Variants in LDHC observed in about 807,000 individuals in gnomAD.
The protein encoded by LDHC is L-lactate dehydrogenase C chain.
A neutral mutation model predicts 30.2 loss-of-function variants in LDHC; 20 were observed. The observed-to-expected ratio is 0.66, with a 90% CI of 0.47 to 0.96. LDHC has a LOEUF of 0.96. Among genes scored for constraint, LDHC ranks in the 40% least tolerant of loss-of-function variants. The pLI, the probability that LDHC is intolerant of heterozygous loss-of-function variation, is 0.00. For missense variants in LDHC, 362 were observed against 394.9 expected (o/e 0.92, Z 0.71); for synonymous variants, 139 against 132.7 (o/e 1.05, Z -0.32).
At chr11:18,433,995 A>G (rs1848313955) in intron 4 of LDHC, among the ~76,000 whole-genome samples, 2 of 152,116 alleles carry the variant, frequency 1.3e-5, no homozygotes, top group Non-Finnish European at 2.9e-5. Flanking sequence ...GGCTTTGTTC[A>G]TATCTTCTTA....
chr11:18,421,178 C>T (rs1026984930), intron 3 of LDHC, among the ~76,000 whole-genome samples: 1 of 151,988 alleles, frequency 6.6e-6, no homozygotes, highest in African/African-American at 2.4e-5. Flanking sequence ...CTCAGCCTCT[C>T]GAGTAGCTGA....
rs1292574003 is a variant in LDHC at position 18,447,069 on chromosome 11, A to AT, written c.834+736_834+737insT. 3.3e-5 allele frequency among the ~76,000 whole-genome samples: 5 copies of AT among 152,176 alleles called. No individual in the cohort carries two copies. The East Asian group carries it at 7.7e-4, about 23-fold the overall frequency. ...GGAGGAGGGGCAGGAGTTAACAAAAAGAGAATGTGTACTGATGCATGTAGA... is the reference window on the plus strand; with the variant it reads ...GGAGGAGGGGCAGGAGTTAACAAAAATGAGAATGTGTACTGATGCATGTAGA... On this transcript the variant is annotated intron_variant, in intron 7 of 7. Coordinates refer to ENST00000541669, the MANE Select transcript of LDHC (RefSeq NM_017448.5).
At chr11:18,427,862 A>T (rs1848189941) in intron 3 of LDHC, among the ~76,000 whole-genome samples, 1 of 151,994 alleles carries the variant, frequency 6.6e-6, no homozygotes, top group South Asian at 2.1e-4. Context: ...TTTTTAGTAG[A>T]GATGGGGTTT....
intron 1 of LDHC, 105 bp from the exon 2 acceptor site, chr11:18,412,603 TC>T: frequency 5.7e-6 from 6 of 1,045,976 alleles, no homozygotes; most frequent in Non-Finnish European, 8.4e-6. Context: ...GGAAATTCTT[TC>T]TTTGGCTTCC....
chr11:18,420,595 G>A, intron 3 of LDHC, among the ~76,000 whole-genome samples: 1 of 144,234 alleles, frequency 6.9e-6, no homozygotes, highest in Non-Finnish European at 1.5e-5. Context: ...GAGGCAGAAG[G>A]ATCACTTTGA....
At chr11:18,414,236 G>A (rs1385677562) in intron 2 of LDHC, among the ~76,000 whole-genome samples, 1 of 152,146 alleles carries the variant, frequency 6.6e-6, no homozygotes, top group Non-Finnish European at 1.5e-5. Flanking sequence ...TTATACCTGG[G>A]CCATATGTCC....
intron 6 of LDHC, among the ~76,000 whole-genome samples, chr11:18,440,858 G>GT (rs1848452406): frequency 6.6e-6 from 1 of 151,298 alleles, no homozygotes; most frequent in South Asian, 2.1e-4. Flanking sequence ...GAGCCCAGGC[G>GT]TTTTAGGCTC....
intron 2 of LDHC, among the ~76,000 whole-genome samples, chr11:18,414,230 A>C (rs772150297): frequency 6.6e-6 from 1 of 152,196 alleles, no homozygotes; most frequent in Non-Finnish European, 1.5e-5. Context: ...TGTTTCTTAT[A>C]CCTGGGCCAT....
intron 3 of LDHC, 29 bp downstream of exon 3, chr11:18,415,330 C>G (rs775515914): frequency 1.7e-6 from 2 of 1,165,758 alleles, no homozygotes; most frequent in Non-Finnish European, 2.5e-6. Context: ...AAGTTATTTT[C>G]AAAGCTTTTT....
At chr11:18,425,813 G>A (rs7110605) in intron 3 of LDHC, among the ~76,000 whole-genome samples, 74,959 of 151,348 alleles carry the variant, frequency 0.5, 20,333 homozygotes, top group South Asian at 0.64. Context: ...GTTGGCAGGC[G>A]CCTGTAGTCC....
At chr11:18,419,308 G>T (rs1867077731) in intron 3 of LDHC, among the ~76,000 whole-genome samples, 1 of 152,186 alleles carries the variant, frequency 6.6e-6, no homozygotes, top group Non-Finnish European at 1.5e-5. Flanking sequence ...TCGCTTGTCT[G>T]CCAACAGTAG....
At position 18,429,876 on chromosome 11, in the gene LDHC, T is replaced by A. The variant is rs1848233930; in HGVS notation, c.384T>A (p.Ser128Arg). The A allele has an allele frequency of 1.2e-6, 2 of 1,610,682 alleles. No individual in the cohort carries two copies. The highest frequency in any genetic ancestry group is 1.7e-6 in the Non-Finnish European group (2 of 1,177,414). ...TCATTCCTGCCATAGTCCATTATAG[T>A]CCTGATTGTAAAATTCTTGTTGTTT... is the stretch of plus-strand genomic sequence containing the variant. The part of the protein sequence containing the change: ...KSIIPAIVHY[S>R]PDCKILVVSN... The change falls in exon 4 of 8, where the codon AGT becomes AGA. Residue 128 changes from serine to arginine, a missense_variant. Physicochemically the swap from Ser to Arg is moderately radical, Grantham distance 110. Transcript: ENST00000541669.
chr11:18,443,513 G>A (rs1848501922), intron 6 of LDHC, among the ~76,000 whole-genome samples: 1 of 146,408 alleles, frequency 6.8e-6, no homozygotes, highest in Admixed American at 6.9e-5. Context: ...AGGCTGGAGT[G>A]TAGTGGCATG....
At chr11:18,435,008 G>T (rs569599268) in intron 5 of LDHC, 95 bp downstream of exon 5, 1 of 780,342 alleles carries the variant, frequency 1.3e-6, no homozygotes, top group Non-Finnish European at 2.0e-6. Context: ...TAATATAGTT[G>T]TATAAGTTTA....
chr11:18,416,438 G>A (rs1770356315), intron 3 of LDHC, among the ~76,000 whole-genome samples: 1 of 152,114 alleles, frequency 6.6e-6, no homozygotes, highest in African/African-American at 2.4e-5. Context: ...GCACTGTTTG[G>A]TAATGTGATT....
At chr11:18,434,584 A>G (rs1207180001) in intron 4 of LDHC, among the ~76,000 whole-genome samples, 156 bp from the exon 5 acceptor site, 1 of 152,140 alleles carries the variant, frequency 6.6e-6, no homozygotes, top group Non-Finnish European at 1.5e-5. Flanking sequence ...GTGCCAGGGG[A>G]TAACAGGCGT....
intron 6 of LDHC, among the ~76,000 whole-genome samples, chr11:18,445,916 A>T (rs1848545547): frequency 6.6e-6 from 1 of 152,192 alleles, no homozygotes. Flanking sequence ...TGGAGGTTGC[A>T]GTGAGCCATG....
At chr11:18,444,984 G>A (rs1454781517) in intron 6 of LDHC, among the ~76,000 whole-genome samples, 1 of 152,018 alleles carries the variant, frequency 6.6e-6, no homozygotes, top group East Asian at 1.9e-4. Flanking sequence ...GTAGGTTGAT[G>A]CAGCTCTAAA....
At chr11:18,415,335 C>T (rs746544714) in intron 3 of LDHC, 34 bp downstream of exon 3, 3 of 1,144,160 alleles carry the variant, frequency 2.6e-6, no homozygotes, top group South Asian at 2.7e-5. Flanking sequence ...ATTTTCAAAG[C>T]TTTTTAAAAA....
Sources: gnomAD v4.1 joint callset for allele counts (sites outside exome capture counted in the v4.1 genomes callset) on GRCh38, gnomAD v4.1.1 for gene constraint, MANE v1.5 for transcripts, NCBI Gene and HGNC (gene_info 2026-07-23, HGNC 2026-07-21) for gene names.